Variants in PCSK2 observed in about 807,000 individuals in gnomAD.
The protein encoded by PCSK2 is neuroendocrine convertase 2.
In PCSK2, 14 loss-of-function variants were observed where a neutral mutation model predicts 69.7. The observed-to-expected ratio is 0.20, with a 90% CI of 0.13 to 0.31. The LOEUF is 0.31. Ranked by LOEUF, PCSK2 falls within the 10% of genes least tolerant of loss-of-function variation. PCSK2 has a pLI of 1.00. For synonymous variants in PCSK2, 307 were observed against 320.7 expected (o/e 0.96, Z 0.46); for missense variants, 544 against 842.5 (o/e 0.65, Z 4.39).
chr20:17,344,278 C>A (rs1476056230), intron 2 of PCSK2, among the ~76,000 whole-genome samples: 3 of 152,202 alleles, frequency 2.0e-5, no homozygotes, highest in African/African-American at 7.2e-5. Flanking sequence ...ATGAATTACT[C>A]TCCAGCTGCC....
At chr20:17,347,698 G>A (rs537279893) in intron 2 of PCSK2, among the ~76,000 whole-genome samples, 7 of 151,866 alleles carry the variant, frequency 4.6e-5, no homozygotes, top group Admixed American at 1.3e-4. Flanking sequence ...TGGGAAGGCA[G>A]TGCATGTGAG....
intron 4 of PCSK2, among the ~76,000 whole-genome samples, chr20:17,362,748 G>T (rs1299164209): frequency 6.6e-6 from 1 of 152,242 alleles, no homozygotes; most frequent in African/African-American, 2.4e-5. Flanking sequence ...GGCCAATCCA[G>T]ATTCAAGTGG....
At chr20:17,404,844 G>A (rs1190417893) in intron 5 of PCSK2, among the ~76,000 whole-genome samples, 1 of 152,224 alleles carries the variant, frequency 6.6e-6, no homozygotes, top group Non-Finnish European at 1.5e-5. Flanking sequence ...AAATACTTTA[G>A]GCTTTGTGGG....
chr20:17,472,026 G>A (rs1387830987), intron 11 of PCSK2, among the ~76,000 whole-genome samples: 1 of 152,230 alleles, frequency 6.6e-6, no homozygotes, highest in African/African-American at 2.4e-5. Context: ...GCTTTATCAA[G>A]AGAGTCAGTG....
rs866881921 is a variant in PCSK2, at chr20:17,409,251, T to C, written c.544-12T>C. The C allele has an allele frequency of 8.1e-6, 13 of 1,611,608 alleles. No homozygotes were observed. Among genetic ancestry groups the C allele is most frequent in the Middle Eastern group, 1.6e-4 (1 of 6,080 alleles). On this transcript the variant is annotated splice_polypyrimidine_tract_variant and intron_variant, in intron 5 of 11. Coordinates refer to ENST00000262545, the MANE Select transcript of PCSK2 (RefSeq NM_002594.5). ...GCTGTACGGACCTAATGAGATGCCT[T>C]GTGTTTTTCAGAATGCCGAAGCAAG...
At chr20:17,231,444 C>G (rs1222439474) in intron 1 of PCSK2, among the ~76,000 whole-genome samples, 2 of 152,192 alleles carry the variant, frequency 1.3e-5, no homozygotes, top group Non-Finnish European at 2.9e-5. Flanking sequence ...TCCCTAAGTC[C>G]TTTTCTCACT....
chr20:17,458,151 G>C (rs1458784833), intron 10 of PCSK2, among the ~76,000 whole-genome samples: 1 of 152,200 alleles, frequency 6.6e-6, no homozygotes, highest in Non-Finnish European at 1.5e-5. Context: ...CTGGCAGCTT[G>C]TGGGTAAGTC....
intron 5 of PCSK2, among the ~76,000 whole-genome samples, chr20:17,379,621 T>C (rs2031031269): frequency 6.6e-6 from 1 of 152,212 alleles, no homozygotes; most frequent in African/African-American, 2.4e-5. Context: ...AATTGTAAAA[T>C]GCCCCCCTAA....
chr20:17,442,004 C>T (rs2032607629), intron 8 of PCSK2, among the ~76,000 whole-genome samples: 1 of 139,316 alleles, frequency 7.2e-6, no homozygotes, highest in African/African-American at 2.6e-5. Flanking sequence ...GATTGGTGTC[C>T]TTATTTAAAA....
intron 2 of PCSK2, among the ~76,000 whole-genome samples, chr20:17,346,865 G>A (rs1202446404): frequency 6.6e-6 from 1 of 152,050 alleles, no homozygotes; most frequent in Non-Finnish European, 1.5e-5. Flanking sequence ...CAATATAGAA[G>A]CTGAGATTTC....
chr20:17,345,374 G>A (rs569057194), intron 2 of PCSK2, among the ~76,000 whole-genome samples: 15 of 152,230 alleles, frequency 9.9e-5, no homozygotes, highest in African/African-American at 3.4e-4. Context: ...TCACCAATAA[G>A]CCTGTGAGGT....
intron 2 of PCSK2, among the ~76,000 whole-genome samples, chr20:17,285,052 G>T (rs951784503): frequency 6.6e-6 from 1 of 152,094 alleles, no homozygotes; most frequent in African/African-American, 2.4e-5. Context: ...GGATGCCAGT[G>T]GTCAGGATCA....
intron 11 of PCSK2, chr20:17,479,308 G>A: frequency 1.2e-6 from 1 of 830,962 alleles, no homozygotes; most frequent in Non-Finnish European, 2.1e-6. Flanking sequence ...GCGGTCCACT[G>A]GTTGATGTTG....
At chr20:17,376,924 C>T (rs561983993) in intron 5 of PCSK2, among the ~76,000 whole-genome samples, 2 of 152,282 alleles carry the variant, frequency 1.3e-5, no homozygotes, top group South Asian at 2.1e-4. Context: ...GACCCTCTAT[C>T]GACGATGATC....
Position 17,382,308 on chromosome 20 carries a change from G to A in PCSK2, c.543+13031G>A, listed in dbSNP as rs140460730. Among the ~76,000 whole-genome samples the A allele has an allele frequency of 1.6e-3, 248 of 152,258 alleles. 1 individual carries two copies. The highest frequency in any genetic ancestry group is 4.8e-3 in the African/African-American group (201 of 41,534). On this transcript the variant is annotated intron_variant, in intron 5 of 11. Coordinates refer to ENST00000262545, the MANE Select transcript of PCSK2 (RefSeq NM_002594.5). Reference sequence around the variant, plus strand: ...ATATGCATGATCACATTTAATGAGCGTGTTAAGCCAGTGAAGTGGGTACTT... The same window carrying A: ...ATATGCATGATCACATTTAATGAGCATGTTAAGCCAGTGAAGTGGGTACTT...
At chr20:17,275,203 A>C (rs967660839) in intron 2 of PCSK2, among the ~76,000 whole-genome samples, 1 of 151,758 alleles carries the variant, frequency 6.6e-6, no homozygotes, top group Non-Finnish European at 1.5e-5. Flanking sequence ...AATGCATTTG[A>C]AAAGATCTAA....
At chr20:17,288,006 G>A (rs1301792250) in intron 2 of PCSK2, among the ~76,000 whole-genome samples, 1 of 152,160 alleles carries the variant, frequency 6.6e-6, no homozygotes, top group Non-Finnish European at 1.5e-5. Context: ...AGAACGCCCT[G>A]TCTTCCTCAT....
chr20:17,294,061 A>G (rs1053052183), intron 2 of PCSK2, among the ~76,000 whole-genome samples: 10 of 138,568 alleles, frequency 7.2e-5, no homozygotes, highest in South Asian at 2.4e-4. Context: ...CACCTCAATT[A>G]TGAAATTTGT....
At chr20:17,378,261 C>CTTGTT (rs1375955129) in intron 5 of PCSK2, among the ~76,000 whole-genome samples, 2 of 151,928 alleles carry the variant, frequency 1.3e-5, no homozygotes, top group African/African-American at 2.4e-5. Context: ...GGGGGATGAA[C>CTTGTT]TTGTTTTCTT....
Sources: allele counts gnomAD v4.1 joint callset (sites outside exome capture counted in the v4.1 genomes callset), GRCh38; gene constraint gnomAD v4.1.1; transcripts MANE v1.5; gene names NCBI Gene and HGNC (gene_info 2026-07-23, HGNC 2026-07-21).